MYO3A: variants seen among roughly 807,000 people sequenced by gnomAD.
MYO3A encodes myosin IIIA.
MYO3A carries 180 observed loss-of-function variants against 192.7 expected under a neutral mutation model. The observed-to-expected ratio is 0.93, with a 90% CI of 0.83 to 1.06. MYO3A has a LOEUF of 1.06. MYO3A is among the 50% of genes least tolerant of loss of function. The pLI is 0.00. For synonymous variants in MYO3A, 628 were observed against 645.3 expected, an observed-to-expected ratio of 0.97 and a Z score of 0.41; for missense variants, 1,896 against 1,905.0, an observed-to-expected ratio of 1.00 and a Z score of 0.09.
intron 10 of MYO3A, among the ~76,000 whole-genome samples, chr10:26,052,695 C>G (rs1368798665): frequency 6.6e-6 from 1 of 152,152 alleles, no homozygotes; most frequent in African/African-American, 2.4e-5. Context: ...CCAGTGGCTC[C>G]TTAATCACCT....
intron 4 of MYO3A, among the ~76,000 whole-genome samples, chr10:25,989,705 C>T (rs1839891957): frequency 6.6e-6 from 1 of 152,160 alleles, no homozygotes; most frequent in South Asian, 2.1e-4. Context: ...TATAAGTGTT[C>T]AGGCATCCAG....
intron 15 of MYO3A, among the ~76,000 whole-genome samples, chr10:26,091,716 G>C (rs1286825315): frequency 2.0e-5 from 3 of 152,238 alleles, no homozygotes; most frequent in Admixed American, 2.0e-4. Context: ...GTGACAGGGT[G>C]TCATTTTCTC....
chr10:26,151,433 C>T (rs1840782023), intron 23 of MYO3A, among the ~76,000 whole-genome samples: 2 of 151,980 alleles, frequency 1.3e-5, no homozygotes, highest in South Asian at 4.2e-4. Context: ...TCATCCTTGG[C>T]AGTATTGTTT....
intron 4 of MYO3A, among the ~76,000 whole-genome samples, chr10:25,956,808 A>G (rs1837573119): frequency 6.6e-6 from 1 of 151,992 alleles, no homozygotes; most frequent in Non-Finnish European, 1.5e-5. Context: ...CTTGTGTCAC[A>G]GGGTTTGTTG....
intron 3 of MYO3A, 107 bp from the exon 4 acceptor site, chr10:25,954,767 T>C: frequency 8.2e-7 from 1 of 1,217,922 alleles, no homozygotes; most frequent in Admixed American, 1.7e-5. Context: ...TAAAAACTAT[T>C]ATGACCTTGA....
chr10:26,201,760 C>A (rs1452008128), intron 33 of MYO3A, among the ~76,000 whole-genome samples: 1 of 151,634 alleles, frequency 6.6e-6, no homozygotes, highest in Non-Finnish European at 1.5e-5. Context: ...AATACATTTA[C>A]GTTACGAATA....
At chr10:26,062,526 A>AAAAAAAAAAAC (rs1834559878) in intron 10 of MYO3A, among the ~76,000 whole-genome samples, 1 of 116,848 alleles carries the variant, frequency 8.6e-6, no homozygotes, top group Non-Finnish European at 2.1e-5. Context: ...AAAAAAAAAA[A>AAAAAAAAAAAC]AAAAAAATTA....
intron 18 of MYO3A, among the ~76,000 whole-genome samples, chr10:26,123,722 C>T (rs967899798): frequency 6.6e-6 from 1 of 152,076 alleles, no homozygotes; most frequent in Non-Finnish European, 1.5e-5. Flanking sequence ...GTCAGCAGAT[C>T]GAGACCATCC....
intron 15 of MYO3A, among the ~76,000 whole-genome samples, chr10:26,090,641 T>C (rs151285999): frequency 2.0e-5 from 3 of 152,348 alleles, no homozygotes; most frequent in African/African-American, 7.2e-5. Flanking sequence ...GAGCTTTGAG[T>C]GACCTATGAA....
chr10:26,035,089 T>G (rs927877034), intron 10 of MYO3A, among the ~76,000 whole-genome samples: 4 of 152,192 alleles, frequency 2.6e-5, no homozygotes. Flanking sequence ...CTGGTAGCTG[T>G]GTCCATCCAA....
intron 18 of MYO3A, among the ~76,000 whole-genome samples, chr10:26,122,416 G>T (rs780462758): frequency 2.0e-5 from 3 of 152,050 alleles, no homozygotes; most frequent in Non-Finnish European, 4.4e-5. Context: ...CCAAACCAAG[G>T]CTGCATTTCC....
intron 4 of MYO3A, among the ~76,000 whole-genome samples, chr10:25,975,177 G>A (rs974340058): frequency 1.3e-5 from 2 of 152,174 alleles, no homozygotes; most frequent in Non-Finnish European, 2.9e-5. Context: ...TGGAGATGTA[G>A]CATTTAAATG....
intron 10 of MYO3A, among the ~76,000 whole-genome samples, chr10:26,040,718 T>C (rs1187520572): frequency 6.6e-6 from 1 of 152,154 alleles, no homozygotes; most frequent in African/African-American, 2.4e-5. Context: ...ATTGCTATTG[T>C]TACTGATTTC....
At chr10:26,043,588 G>A (rs1015117355) in intron 10 of MYO3A, among the ~76,000 whole-genome samples, 2 of 152,126 alleles carry the variant, frequency 1.3e-5, no homozygotes, top group African/African-American at 4.8e-5. Flanking sequence ...TTCACCCCAT[G>A]GTCACCACCA....
At chr10:26,179,088 A>ATTTTTT (rs1564625505) in intron 31 of MYO3A, among the ~76,000 whole-genome samples, 1 of 60,858 alleles carries the variant, frequency 1.6e-5, no homozygotes, top group Non-Finnish European at 3.2e-5. Context: ...TGCCCAGCCT[A>ATTTTTT]ATTTTTTTTT....
intron 2 of MYO3A, among the ~76,000 whole-genome samples, chr10:25,937,616 C>T (rs2130793846): frequency 6.6e-6 from 1 of 152,178 alleles, no homozygotes; most frequent in South Asian, 2.1e-4. Flanking sequence ...TTTTTGGAGG[C>T]TCACTAACAC....
At chr10:26,001,266 T>C (rs1051328751) in intron 6 of MYO3A, among the ~76,000 whole-genome samples, 4 of 149,578 alleles carry the variant, frequency 2.7e-5, no homozygotes, top group African/African-American at 7.6e-5. Context: ...AATGATCAGA[T>C]AGTGGAAAGA....
intron 28 of MYO3A, among the ~76,000 whole-genome samples, chr10:26,169,847 T>G (rs1841955177): frequency 6.6e-6 from 1 of 152,222 alleles, no homozygotes; most frequent in South Asian, 2.1e-4. Context: ...TCATAGAGCC[T>G]TTGGCAGTAA....
At chr10:25,984,702 A>G (rs375001726) in intron 4 of MYO3A, among the ~76,000 whole-genome samples, 37 of 152,336 alleles carry the variant, frequency 2.4e-4, no homozygotes, top group African/African-American at 8.2e-4. Flanking sequence ...CATCAAAGCC[A>G]TATCAAGACC....
Sources: allele counts gnomAD v4.1 joint callset (sites outside exome capture counted in the v4.1 genomes callset), GRCh38; gene constraint gnomAD v4.1.1; transcripts MANE v1.5; gene names NCBI Gene and HGNC (gene_info 2026-07-23, HGNC 2026-07-21).